NRXN3: variants seen among roughly 807,000 people sequenced by gnomAD.
The protein encoded by NRXN3 is neurexin III.
Under a neutral mutation model 137.6 loss-of-function variants are expected in NRXN3, and 32 were observed. The observed-to-expected ratio is 0.23, with a 90% CI of 0.18 to 0.31. The LOEUF is 0.31. Among genes scored for constraint, NRXN3 ranks in the 10% least tolerant of loss-of-function variants. The probability of loss-of-function intolerance (pLI) is 1.00; values close to 1 mark genes in which losing one functional copy is unlikely to be tolerated. For missense variants in NRXN3, 1,574 were observed against 2,062.5 expected (o/e 0.76, Z 4.59); for synonymous variants, 798 against 784.5 (o/e 1.02, Z -0.29).
chr14:78,557,084 T>C (rs1023675031), intron 4 of NRXN3, among the ~76,000 whole-genome samples: 2 of 148,088 alleles, frequency 1.4e-5, no homozygotes, highest in South Asian at 4.5e-4. Context: ...CGGGACTTGC[T>C]CTGCCACCCA....
At chr14:79,159,883 T>C (rs1165360926) in intron 15 of NRXN3, among the ~76,000 whole-genome samples, 1 of 151,940 alleles carries the variant, frequency 6.6e-6, no homozygotes, top group Non-Finnish European at 1.5e-5. Flanking sequence ...AATTTATGCA[T>C]TTTTTTCTTA....
chr14:79,485,940 T>C (rs2153646984), intron 16 of NRXN3, among the ~76,000 whole-genome samples: 1 of 152,314 alleles, frequency 6.6e-6, no homozygotes, highest in African/African-American at 2.4e-5. Context: ...AGATTTTCTT[T>C]ACAAATCCAG....
chr14:78,858,316 G>A (rs1223515193), intron 10 of NRXN3, among the ~76,000 whole-genome samples: 1 of 152,114 alleles, frequency 6.6e-6, no homozygotes, highest in Non-Finnish European at 1.5e-5. Context: ...CAAATCTGGA[G>A]CTATACCATT....
chr14:78,404,668 AC>A (rs1383785135), intron 4 of NRXN3, among the ~76,000 whole-genome samples: 1 of 152,176 alleles, frequency 6.6e-6, no homozygotes, highest in Non-Finnish European at 1.5e-5. Flanking sequence ...CATTCAATTC[AC>A]TGCTTGGATC....
intron 6 of NRXN3, among the ~76,000 whole-genome samples, chr14:78,671,619 C>CT (rs999109862): frequency 1.3e-5 from 2 of 151,960 alleles, no homozygotes; most frequent in African/African-American, 4.8e-5. Flanking sequence ...ATTTCATAGG[C>CT]TTTTTTTCAG....
chr14:79,536,675 G>T (rs2097214138), intron 16 of NRXN3, among the ~76,000 whole-genome samples: 1 of 151,948 alleles, frequency 6.6e-6, no homozygotes, highest in African/African-American at 2.4e-5. Context: ...TGTTCTCATT[G>T]TTCAGCTCCC....
intron 17 of NRXN3, among the ~76,000 whole-genome samples, chr14:79,669,489 CAT>C (rs923576704): frequency 6.6e-6 from 1 of 152,120 alleles, no homozygotes; most frequent in Non-Finnish European, 1.5e-5. Flanking sequence ...TTAGGATTCA[CAT>C]GTTTGTGAGT....
intron 8 of NRXN3, among the ~76,000 whole-genome samples, chr14:78,721,100 A>C (rs1255652383): frequency 6.6e-6 from 1 of 152,220 alleles, no homozygotes; most frequent in Non-Finnish European, 1.5e-5. Context: ...AGGAAAGAAA[A>C]AGATAACAAT....
chr14:78,804,337 A>T (rs1254376580), intron 9 of NRXN3, among the ~76,000 whole-genome samples: 2 of 152,130 alleles, frequency 1.3e-5, no homozygotes, highest in Non-Finnish European at 2.9e-5. Flanking sequence ...CCTTGATGAC[A>T]CTGATATCTC....
intron 15 of NRXN3, among the ~76,000 whole-genome samples, chr14:79,052,376 G>A (rs1204432582): frequency 5.3e-5 from 8 of 152,218 alleles, no homozygotes. Context: ...AAGAACTAAA[G>A]CTGATTTTTC....
intron 19 of NRXN3, among the ~76,000 whole-genome samples, chr14:79,753,861 T>A (rs2154092366): frequency 6.6e-6 from 1 of 152,126 alleles, no homozygotes; most frequent in East Asian, 1.9e-4. Flanking sequence ...ATCCACAGAT[T>A]CAACCACCCA....
At chr14:78,318,234 T>G (rs1468943298) in intron 4 of NRXN3, among the ~76,000 whole-genome samples, 3 of 152,188 alleles carry the variant, frequency 2.0e-5, no homozygotes, top group African/African-American at 2.4e-5. Context: ...TCCTAGCATC[T>G]GTGGAATCAG....
At chr14:79,439,527 A>C (rs529613485) in intron 15 of NRXN3, among the ~76,000 whole-genome samples, 1 of 152,308 alleles carries the variant, frequency 6.6e-6, no homozygotes, top group South Asian at 2.1e-4. Context: ...TATTATTTTC[A>C]GAAAATCAAA....
At chr14:78,400,124 G>A (rs1010498830) in intron 4 of NRXN3, among the ~76,000 whole-genome samples, 3 of 152,114 alleles carry the variant, frequency 2.0e-5, no homozygotes, top group African/African-American at 4.8e-5. Context: ...AATATTGAAA[G>A]GGGATGATGC....
chr14:78,193,097 G>A (rs1191522924), intron 1 of NRXN3, among the ~76,000 whole-genome samples: 2 of 152,130 alleles, frequency 1.3e-5, no homozygotes, highest in South Asian at 4.1e-4. Context: ...AGGTTCTTGG[G>A]TAGAGCTTTA....
chr14:78,810,827 G>A (rs574751461), intron 10 of NRXN3, among the ~76,000 whole-genome samples: 2 of 152,248 alleles, frequency 1.3e-5, no homozygotes, highest in South Asian at 4.2e-4. Context: ...TCTAGCAGGT[G>A]GGCAGATCAC....
At chr14:78,734,468 AC>A (rs1171395249) in intron 8 of NRXN3, among the ~76,000 whole-genome samples, 6 of 152,208 alleles carry the variant, frequency 3.9e-5, no homozygotes, top group Non-Finnish European at 8.8e-5. Context: ...ACTGCCAGAT[AC>A]CATGCTAGTC....
chr14:79,071,804 CA>C (rs1181753176), intron 15 of NRXN3, among the ~76,000 whole-genome samples: 3 of 152,036 alleles, frequency 2.0e-5, no homozygotes, highest in Non-Finnish European at 2.9e-5. Flanking sequence ...TTGCACATGT[CA>C]AAATAACTAA....
intron 15 of NRXN3, among the ~76,000 whole-genome samples, chr14:79,439,413 A>G (rs2095895601): frequency 6.6e-6 from 1 of 152,232 alleles, no homozygotes; most frequent in Non-Finnish European, 1.5e-5. Flanking sequence ...TTACTTGCTA[A>G]TGGCCACCAC....
Sources: allele counts gnomAD v4.1 joint callset (sites outside exome capture counted in the v4.1 genomes callset), GRCh38; gene constraint gnomAD v4.1.1; transcripts MANE v1.5; gene names NCBI Gene and HGNC (gene_info 2026-07-23, HGNC 2026-07-21).